Variants in CDH12 observed in about 807,000 individuals in gnomAD.
CDH12 encodes cadherin-12.
In CDH12, 41 loss-of-function variants were observed where a neutral mutation model predicts 74.1. The ratio of observed to expected loss-of-function variants is 0.55; its 90% CI spans 0.43 to 0.72. The LOEUF is 0.72. CDH12 is among the 30% of genes least tolerant of loss of function. CDH12 has a pLI of 0.00. For missense variants in CDH12, 945 were observed against 977.2 expected (o/e 0.97, Z 0.44); for synonymous variants, 399 against 355.0 (o/e 1.12, Z -1.39).
intron 9 of CDH12, among the ~76,000 whole-genome samples, chr5:21,816,645 A>AAAAAAAAAAAAAT (rs1748061401): frequency 7.0e-6 from 1 of 143,664 alleles, no homozygotes; most frequent in Non-Finnish European, 1.5e-5. Context: ...AAAAAAAAAA[A>AAAAAAAAAAAAAT]AAAAAAAAGA....
chr5:22,061,338 T>C (rs1741174680), intron 5 of CDH12, among the ~76,000 whole-genome samples: 1 of 152,174 alleles, frequency 6.6e-6, no homozygotes, highest in Non-Finnish European at 1.5e-5. Flanking sequence ...TAGTACCTTC[T>C]GTAACAGTGG....
chr5:22,080,017 A>C (rs1294488842), intron 4 of CDH12, among the ~76,000 whole-genome samples: 4 of 152,180 alleles, frequency 2.6e-5, no homozygotes, highest in African/African-American at 9.6e-5. Context: ...TTTTCTAAGC[A>C]GGCATGATGA....
intron 6 of CDH12, among the ~76,000 whole-genome samples, chr5:21,880,612 C>CTCTCTTTCTTTCTTTCTTTCT (rs1561268318): frequency 1.7e-4 from 12 of 69,872 alleles, no homozygotes; most frequent in African/African-American, 7.9e-4. Context: ...TCCTTCCTTC[C>CTCTCTTTCTTTCTTTCTTTCT]TTCCTTCTTT....
chr5:22,780,809 T>A (rs1289457588), intron 1 of CDH12, among the ~76,000 whole-genome samples: 1 of 152,104 alleles, frequency 6.6e-6, no homozygotes, highest in African/African-American at 2.4e-5. Flanking sequence ...TAGACAAATA[T>A]TTATTTATGA....
intron 2 of CDH12, among the ~76,000 whole-genome samples, chr5:22,432,121 G>A (rs909408262): frequency 6.6e-6 from 1 of 152,044 alleles, no homozygotes; most frequent in Non-Finnish European, 1.5e-5. Context: ...CGGTATTGAA[G>A]TGTACTATTT....
At chr5:21,867,591 C>A (rs1471408409) in intron 6 of CDH12, among the ~76,000 whole-genome samples, 1 of 152,152 alleles carries the variant, frequency 6.6e-6, no homozygotes, top group Non-Finnish European at 1.5e-5. Flanking sequence ...TTTGAACTTG[C>A]TTGGGGCCTG....
At chr5:21,928,195 C>T (rs1031597329) in intron 6 of CDH12, among the ~76,000 whole-genome samples, 3 of 152,046 alleles carry the variant, frequency 2.0e-5, no homozygotes, top group African/African-American at 7.2e-5. Context: ...CCAAGAATCA[C>T]AACATAGGTT....
At chr5:22,703,348 T>C (rs1187644989) in intron 1 of CDH12, among the ~76,000 whole-genome samples, 1 of 152,136 alleles carries the variant, frequency 6.6e-6, no homozygotes, top group African/African-American at 2.4e-5. Context: ...ATAGCCTTAC[T>C]TGAATTTTCT....
intron 1 of CDH12, among the ~76,000 whole-genome samples, chr5:22,743,748 A>C (rs541018060): frequency 1.8e-4 from 27 of 152,234 alleles, no homozygotes; most frequent in African/African-American, 6.5e-4. Context: ...TGGCATAGCA[A>C]TTTTTTTCTC....
At chr5:22,643,813 A>G (rs1739291197) in intron 1 of CDH12, among the ~76,000 whole-genome samples, 1 of 127,028 alleles carries the variant, frequency 7.9e-6, no homozygotes, top group Non-Finnish European at 1.5e-5. Context: ...TATCAGTACC[A>G]TTTTTCCAAC....
intron 5 of CDH12, among the ~76,000 whole-genome samples, chr5:22,026,923 C>T (rs1226632792): frequency 4.6e-5 from 7 of 152,108 alleles, no homozygotes; most frequent in Admixed American, 4.6e-4. Context: ...GTATTTCTTG[C>T]CCATTCAGTA....
At chr5:22,368,796 C>T (rs773028617) in intron 3 of CDH12, among the ~76,000 whole-genome samples, 10 of 132,400 alleles carry the variant, frequency 7.6e-5, no homozygotes, top group African/African-American at 2.0e-4. Flanking sequence ...TCAAAAGTGC[C>T]GGGTCTTAGG....
chr5:21,961,607 C>G (rs1319252461), intron 6 of CDH12, among the ~76,000 whole-genome samples: 1 of 152,080 alleles, frequency 6.6e-6, no homozygotes, highest in Non-Finnish European at 1.5e-5. Flanking sequence ...AGAGTGGCCT[C>G]TAATCCAATG....
At chr5:22,422,715 G>T (rs2126499849) in intron 2 of CDH12, among the ~76,000 whole-genome samples, 1 of 152,114 alleles carries the variant, frequency 6.6e-6, no homozygotes, top group African/African-American at 2.4e-5. Context: ...TTTGTCATTG[G>T]CTACAAATAC....
chr5:22,326,320 C>A (rs1245523088), intron 3 of CDH12, among the ~76,000 whole-genome samples: 1 of 151,990 alleles, frequency 6.6e-6, no homozygotes, highest in Non-Finnish European at 1.5e-5. Context: ...CTGCAGGCTC[C>A]GCCCCCCGGG....
intron 1 of CDH12, among the ~76,000 whole-genome samples, chr5:22,782,141 T>A (rs1404519146): frequency 2.6e-5 from 4 of 152,182 alleles, no homozygotes; most frequent in African/African-American, 4.8e-5. Context: ...GGACTTGGAC[T>A]TTTGGGTTAA....
intron 5 of CDH12, among the ~76,000 whole-genome samples, chr5:22,044,941 A>T (rs948852119): frequency 3.3e-5 from 5 of 152,212 alleles, no homozygotes; most frequent in African/African-American, 1.2e-4. Context: ...AAAAATAGAC[A>T]AATGGGATTA....
At chr5:21,891,948 G>T (rs989909506) in intron 6 of CDH12, among the ~76,000 whole-genome samples, 4 of 152,128 alleles carry the variant, frequency 2.6e-5, no homozygotes, top group African/African-American at 9.7e-5. Flanking sequence ...ATGCTTAATT[G>T]ATGGCTACCA....
chr5:22,164,447 G>A (rs1748559212), intron 4 of CDH12, among the ~76,000 whole-genome samples: 1 of 152,192 alleles, frequency 6.6e-6, no homozygotes, highest in Non-Finnish European at 1.5e-5. Context: ...CACCCTGCTG[G>A]ATCCTGAGGG....
Sources: allele counts gnomAD v4.1 joint callset (sites outside exome capture counted in the v4.1 genomes callset), GRCh38; gene constraint gnomAD v4.1.1; transcripts MANE v1.5; gene names NCBI Gene and HGNC (gene_info 2026-07-23, HGNC 2026-07-21).